The following DPP10 variants were observed in gnomAD, a reference collection of about 807,000 sequenced individuals.
DPP10 encodes dipeptidyl peptidase like 10.
A neutral mutation model predicts 120.9 loss-of-function variants in DPP10; 33 were observed. The observed-to-expected ratio is 0.27, with a 90% CI of 0.21 to 0.37. The LOEUF (loss-of-function observed/expected upper bound fraction) is 0.37. Among genes scored for constraint, DPP10 ranks in the 10% least tolerant of loss-of-function variants. The pLI is 1.00. For synonymous variants in DPP10, 337 were observed against 326.1 expected (o/e 1.03, Z -0.36); for missense variants, 816 against 942.8 (o/e 0.87, Z 1.76).
chr2:115,246,246 T>G (rs979824910), intron 1 of DPP10, among the ~76,000 whole-genome samples: 2 of 152,134 alleles, frequency 1.3e-5, no homozygotes, highest in African/African-American at 2.4e-5. Flanking sequence ...CTTCACTACG[T>G]TACAGGACTG....
At chr2:114,571,271 C>T (rs1044592202) in intron 1 of DPP10, among the ~76,000 whole-genome samples, 40 of 152,126 alleles carry the variant, frequency 2.6e-4, no homozygotes, top group Middle Eastern at 3.4e-3. Flanking sequence ...AGTGAGTTAT[C>T]GTGAGATCTG....
At chr2:115,213,298 GA>G (rs1164481594) in intron 1 of DPP10, among the ~76,000 whole-genome samples, 1 of 152,004 alleles carries the variant, frequency 6.6e-6, no homozygotes, top group Non-Finnish European at 1.5e-5. Flanking sequence ...CACTAATTTA[GA>G]AAAAAACTGG....
At chr2:114,502,094 C>A (rs1683243404) in intron 1 of DPP10, among the ~76,000 whole-genome samples, 1 of 151,788 alleles carries the variant, frequency 6.6e-6, no homozygotes, top group African/African-American at 2.4e-5. Flanking sequence ...CACCACCACG[C>A]TCAGCTAATT....
chr2:114,544,513 G>A (rs1687213043), intron 1 of DPP10, among the ~76,000 whole-genome samples: 1 of 152,152 alleles, frequency 6.6e-6, no homozygotes, highest in African/African-American at 2.4e-5. Context: ...GGCATAAAAT[G>A]GTCTGAAGAA....
At chr2:114,558,900 T>A (rs2104927789) in intron 1 of DPP10, among the ~76,000 whole-genome samples, 1 of 152,306 alleles carries the variant, frequency 6.6e-6, no homozygotes, top group Admixed American at 6.5e-5. Flanking sequence ...GTGATTCCAA[T>A]TAATTTGTAT....
intron 5 of DPP10, among the ~76,000 whole-genome samples, chr2:115,592,810 C>T (rs1003499890): frequency 1.9e-4 from 29 of 151,948 alleles, no homozygotes; most frequent in African/African-American, 6.7e-4. Flanking sequence ...CTGAAAAGTC[C>T]TGGGTATATT....
intron 3 of DPP10, among the ~76,000 whole-genome samples, chr2:115,402,854 A>AAATATATATATAT (rs1476901026): frequency 2.0e-5 from 2 of 97,668 alleles, no homozygotes; most frequent in South Asian, 3.4e-4. Flanking sequence ...AAAAAAAAAA[A>AAATATATATATAT]ATATATATAT....
intron 2 of DPP10, among the ~76,000 whole-genome samples, chr2:115,335,450 A>C (rs1422801970): frequency 2.0e-5 from 3 of 152,074 alleles, no homozygotes; most frequent in Non-Finnish European, 4.4e-5. Context: ...TTGTGATCTT[A>C]TCCTGATCTC....
chr2:114,817,022 T>C lies in DPP10; in HGVS notation c.60+374184T>C, dbSNP rs1408480496. ...ACAAGCATACTGATAACAGTAAAAA[T>C]CAAAGGTATAAATAACCGGCCCATT... On this transcript the variant is annotated intron_variant, in intron 1 of 25. Transcript: ENST00000410059. 3.3e-5 allele frequency among the ~76,000 whole-genome samples: 5 copies of C among 152,268 alleles called. No homozygotes were observed. In the East Asian group the frequency reaches 9.6e-4, roughly 29 times the overall value.
At position 115,832,848 on chromosome 2, in the gene DPP10, G is replaced by A. The variant is rs1002841968; in HGVS notation, c.1951-3309G>A. Among the ~76,000 whole-genome samples, 5 of 152,072 alleles carry A rather than the reference G, an allele frequency of 3.3e-5. No individual in the cohort carries two copies. The South Asian group carries it at 1.0e-3, about 32-fold the overall frequency. On this transcript the variant is annotated intron_variant, in intron 21 of 25. Transcript: ENST00000410059. The stretch of plus-strand genomic sequence containing the variant: ...CACTCATCTAGGGAACATCGGCTGG[G>A]ACTAAGAAGATGTTTCCGGTAGGCA...
intron 19 of DPP10, among the ~76,000 whole-genome samples, chr2:115,804,479 T>C (rs911138010): frequency 6.6e-6 from 1 of 152,252 alleles, no homozygotes; most frequent in African/African-American, 2.4e-5. Context: ...GGTGAGGAAC[T>C]GCGTTCCTTT....
At chr2:114,832,272 G>A (rs886073766) in intron 1 of DPP10, among the ~76,000 whole-genome samples, 7 of 152,158 alleles carry the variant, frequency 4.6e-5, no homozygotes, top group South Asian at 2.1e-4. Context: ...GGTGGCTCAC[G>A]CCTGTAATCC....
chr2:115,116,875 T>C (rs1021422427), intron 1 of DPP10, among the ~76,000 whole-genome samples: 2 of 152,222 alleles, frequency 1.3e-5, no homozygotes, highest in African/African-American at 2.4e-5. Flanking sequence ...TAATGTAACA[T>C]TGAGCTCAAA....
chr2:115,618,796 C>T (rs1034757516), intron 5 of DPP10, among the ~76,000 whole-genome samples: 3 of 152,020 alleles, frequency 2.0e-5, no homozygotes, highest in Admixed American at 2.0e-4. Flanking sequence ...CCCTAAATTC[C>T]GTGCCATCGA....
intron 1 of DPP10, among the ~76,000 whole-genome samples, chr2:114,942,189 C>G (rs919302658): frequency 6.7e-6 from 1 of 149,980 alleles, no homozygotes; most frequent in African/African-American, 2.5e-5. Context: ...AGGAGAATGG[C>G]GTGAACCCGG....
intron 1 of DPP10, among the ~76,000 whole-genome samples, chr2:115,277,107 A>G (rs185068239): frequency 6.6e-6 from 1 of 152,222 alleles, no homozygotes; most frequent in African/African-American, 2.4e-5. Flanking sequence ...TAACTTAGAT[A>G]TTAAGAAAAA....
chr2:115,518,638 C>A (rs924158403), intron 4 of DPP10, among the ~76,000 whole-genome samples: 3 of 151,692 alleles, frequency 2.0e-5, no homozygotes, highest in African/African-American at 7.3e-5. Flanking sequence ...TTAAAATATG[C>A]GTGTTTTAAA....
chr2:115,382,596 A>G (rs539926011), intron 3 of DPP10, among the ~76,000 whole-genome samples: 33 of 152,280 alleles, frequency 2.2e-4, no homozygotes, highest in African/African-American at 7.2e-4. Context: ...TTCCAGTGCT[A>G]TCTCTGTGTC....
intron 1 of DPP10, among the ~76,000 whole-genome samples, chr2:114,605,809 G>A (rs1573774140): frequency 6.6e-6 from 1 of 152,270 alleles, no homozygotes; most frequent in African/African-American, 2.4e-5. Flanking sequence ...TAGCAAGTAA[G>A]GAACAGACTT....
Sources: allele counts gnomAD v4.1 joint callset (sites outside exome capture counted in the v4.1 genomes callset), GRCh38; gene constraint gnomAD v4.1.1; transcripts MANE v1.5; gene names NCBI Gene and HGNC (gene_info 2026-07-23, HGNC 2026-07-21).